Variants in KCNQ1 observed in about 807,000 individuals in gnomAD.
The protein encoded by KCNQ1 is potassium voltage-gated channel subfamily KQT member 1.
In KCNQ1, 49 loss-of-function variants were observed where a neutral mutation model predicts 72.4. That is an observed-to-expected ratio of 0.68 (90% CI 0.54 to 0.86). KCNQ1 has a LOEUF of 0.86. KCNQ1 is among the 40% of genes least tolerant of loss of function. KCNQ1 has a pLI of 0.00. For synonymous variants in KCNQ1, 450 were observed against 412.6 expected (o/e 1.09, Z -1.10); for missense variants, 790 against 945.1 (o/e 0.84, Z 2.15).
Position 2,734,834 on chromosome 11 carries a change from A to T in KCNQ1, c.1515-34010A>T, listed in dbSNP as rs564858395. On this transcript the variant is annotated intron_variant, in intron 11 of 15. Coordinates refer to ENST00000155840, the MANE Select transcript of KCNQ1 (RefSeq NM_000218.3). The surrounding 1 kb of genome is among the most constrained non-coding windows in gnomAD (Gnocchi z 7.0). ...GCCTCAGTTTCCCCCACTGTGAAAT[A>T]GGGATGACCTCCTGTGCTGGGGCCT... is the stretch of plus-strand genomic sequence containing the variant. 6.6e-5 allele frequency among the ~76,000 whole-genome samples: 10 copies of T among 151,958 alleles called. No homozygotes were observed. The highest frequency in any genetic ancestry group is 2.4e-4 in the African/African-American group (10 of 41,462).
rs1403929202 is a variant in KCNQ1, at chr11:2,676,494, T to C, written c.1514+14413T>C. The C allele has an allele frequency of 1.8e-5, 7 of 398,686 alleles. No individual in the cohort carries two copies. Among genetic ancestry groups the C allele is most frequent in the Non-Finnish European group, 3.1e-5 (7 of 226,092 alleles). The allele number at this position is 398,686 out of a possible 1,614,324, so 24.7% of individuals were successfully genotyped here. On this transcript the variant is annotated intron_variant, in intron 11 of 15. Coordinates refer to ENST00000155840, the MANE Select transcript of KCNQ1 (RefSeq NM_000218.3). This position sits in a 1 kb window ranked among gnomAD's most constrained non-coding sequence, Gnocchi z 4.2. ...TGTAGTCTTTCTGGCATCAGTTCCA[T>C]TTCTGGTGAACACTTGGACTTGGCA...
intron 11 of KCNQ1, among the ~76,000 whole-genome samples, chr11:2,706,037 A>G (rs1850906535): frequency 6.6e-6 from 1 of 152,166 alleles, no homozygotes; most frequent in African/African-American, 2.4e-5. Flanking sequence ...TGTAATTTGG[A>G]GGAAAAAGAC....
chr11:2,776,198 C>A, intron 13 of KCNQ1, 144 bp downstream of exon 13: 6 of 721,554 alleles, frequency 8.3e-6, no homozygotes, highest in South Asian at 5.3e-5. Context: ...TCACCACCCC[C>A]AGCCCTGCAG....
Position 2,547,434 on chromosome 11 carries a change from AT to A in KCNQ1, c.477+19420del. On this transcript the variant is annotated intron_variant, in intron 2 of 15. Coordinates refer to ENST00000155840, the MANE Select transcript of KCNQ1 (RefSeq NM_000218.3). The surrounding 1 kb of genome is among the most constrained non-coding windows in gnomAD (Gnocchi z 4.2). ...TTATTAGTAGAGACGGCGTTTCACCATTTTGGCCAGGCTGGTCTTGAACTCC... is the reference window on the plus strand; with the variant it reads ...TTATTAGTAGAGACGGCGTTTCACCATTTGGCCAGGCTGGTCTTGAACTCC... Among the ~76,000 whole-genome samples the A allele has an allele frequency of 6.6e-6, 1 of 151,906 alleles. No individual in the cohort carries two copies. Among genetic ancestry groups the A allele is most frequent in the African/African-American group, 2.4e-5 (1 of 41,312 alleles).
intron 1 of KCNQ1, among the ~76,000 whole-genome samples, chr11:2,487,251 G>A (rs113123027): frequency 3.1e-4 from 47 of 152,302 alleles, no homozygotes; most frequent in African/African-American, 1.0e-3. Context: ...TTTTGCCTGT[G>A]TCACACTGTC....
intron 15 of KCNQ1, among the ~76,000 whole-genome samples, chr11:2,812,701 C>T (rs544303708): frequency 5.9e-5 from 9 of 152,334 alleles, no homozygotes; most frequent in Admixed American, 4.6e-4. Context: ...CATGGCCTCC[C>T]TCTTCCCTAG....
chr11:2,627,686 GTGTC>G lies in KCNQ1; in HGVS notation c.1394-34271_1394-34268del. On this transcript the variant is annotated intron_variant, in intron 10 of 15. Transcript: ENST00000155840. This position sits in a 1 kb window ranked among gnomAD's most constrained non-coding sequence, Gnocchi z 4.9. ...TGTGTGTGTATATATGTGTGTGTGT[GTGTC>G]TGTATGTATATGTATGTGATGTGTT... is the stretch of plus-strand genomic sequence containing the variant. 1 of 398,478 alleles carries G rather than the reference GTGTC, an allele frequency of 2.5e-6. No individual in the cohort carries two copies. The highest frequency in any genetic ancestry group is 4.4e-6 in the Non-Finnish European group (1 of 226,034). The allele number at this position is 398,478 out of a possible 1,614,324, so 24.7% of individuals were successfully genotyped here.
chr11:2,770,574 A>G (rs1010146429), intron 12 of KCNQ1, among the ~76,000 whole-genome samples: 1 of 152,198 alleles, frequency 6.6e-6, no homozygotes, highest in Non-Finnish European at 1.5e-5. Flanking sequence ...GCATCCCCCC[A>G]GGGAAGGGGG....
rs1849281648 is a variant in KCNQ1, at chr11:2,627,562, T to G, written c.1394-34399T>G. 1 of 398,482 alleles carries G rather than the reference T, an allele frequency of 2.5e-6. No homozygotes were observed. Among genetic ancestry groups the G allele is most frequent in the African/African-American group, 2.1e-5 (1 of 48,622 alleles). 24.7% of individuals were successfully genotyped at this position (398,482 alleles called of 1,614,324 possible). On this transcript the variant is annotated intron_variant, in intron 10 of 15. Transcript: ENST00000155840. The surrounding 1 kb of genome is among the most constrained non-coding windows in gnomAD (Gnocchi z 4.9). Reference sequence around the variant, plus strand: ...TGGGATAGTGCAGTATTTGTCTTTCTGTGTCTGGCTATTTCACTTAGCATA... The same window carrying G: ...TGGGATAGTGCAGTATTTGTCTTTCGGTGTCTGGCTATTTCACTTAGCATA...
At chr11:2,520,732 G>C (rs2898873) in intron 1 of KCNQ1, among the ~76,000 whole-genome samples, 88,240 of 152,028 alleles carry the variant, frequency 0.58, 26,051 homozygotes, top group Non-Finnish European at 0.63. Flanking sequence ...CCTCTCCAGC[G>C]CCCAGTGTTT....
At chr11:2,717,426 A>G (rs563914095) in intron 11 of KCNQ1, among the ~76,000 whole-genome samples, 1 of 152,332 alleles carries the variant, frequency 6.6e-6, no homozygotes, top group South Asian at 2.1e-4. Flanking sequence ...CAGCAAAGCC[A>G]CAGGGAGACT....
At chr11:2,584,975 C>T (rs1019651106) in intron 7 of KCNQ1, among the ~76,000 whole-genome samples, 5 of 152,308 alleles carry the variant, frequency 3.3e-5, no homozygotes, top group East Asian at 1.9e-4. Context: ...TGGGTTAGAG[C>T]GGCTGCAGCC....
intron 10 of KCNQ1, chr11:2,656,207 C>G (rs1372208808): frequency 2.5e-6 from 1 of 398,334 alleles, no homozygotes; most frequent in Non-Finnish European, 4.4e-6. Flanking sequence ...AAAATTGAAT[C>G]CTGGATGAAG....
Position 2,828,618 on chromosome 11 carries a change from A to T in KCNQ1, c.1795-19149A>T, listed in dbSNP as rs1847885808. Among the ~76,000 whole-genome samples the T allele has an allele frequency of 6.6e-6, 1 of 152,174 alleles. No individual in the cohort carries two copies. The highest frequency in any genetic ancestry group is 1.5e-5 in the Non-Finnish European group (1 of 68,028). On this transcript the variant is annotated intron_variant, in intron 15 of 15. Transcript: ENST00000155840. This position sits in a 1 kb window ranked among gnomAD's most constrained non-coding sequence, Gnocchi z 5.3. ...CAGCCCATGAAGCCAGATGCTACTG[A>T]TTCTCAAGCTCAGCTAGAGACAGGT...
At chr11:2,631,194 A>G (rs951430988) in intron 10 of KCNQ1, 1 of 398,376 alleles carries the variant, frequency 2.5e-6, no homozygotes, top group Middle Eastern at 6.3e-4. Context: ...TTACCTCTCT[A>G]CTTTCCTTCT....
Position 2,848,808 on chromosome 11 carries a change from C to A in KCNQ1, c.*805C>A. The A allele has an allele frequency of 2.2e-6, 1 of 454,166 alleles. No individual in the cohort carries two copies. The highest frequency in any genetic ancestry group is 6.9e-4 in the Middle Eastern group (1 of 1,446). 28.1% of individuals were successfully genotyped at this position (454,166 alleles called of 1,614,324 possible). Reference sequence around the variant, plus strand: ...CACACAGAAGGGGACTGCCACCTCCCCTTGCCAGCTGCTGAGCCGCAGAGA... The same window carrying A: ...CACACAGAAGGGGACTGCCACCTCCACTTGCCAGCTGCTGAGCCGCAGAGA... On this transcript the variant is annotated 3_prime_UTR_variant, in exon 16 of 16. Transcript: ENST00000155840.
At chr11:2,834,191 TGGCTGGGGCTGG>T (rs891149389) in intron 15 of KCNQ1, among the ~76,000 whole-genome samples, 5 of 152,060 alleles carry the variant, frequency 3.3e-5, no homozygotes, top group African/African-American at 9.7e-5. Context: ...GCACATGGCA[TGGCTGGGGCTGG>T]GGCTGGGTTG....
rs570877240 is a variant in KCNQ1 at position 2,624,220 on chromosome 11, T to C, written c.1393+35366T>C. On this transcript the variant is annotated intron_variant, in intron 10 of 15. Coordinates refer to ENST00000155840, the MANE Select transcript of KCNQ1 (RefSeq NM_000218.3). The surrounding 1 kb of genome is among the most constrained non-coding windows in gnomAD (Gnocchi z 4.9). ...TTAGTTGCCATCTGTATATCTTCAT[T>C]GGTGAGATGTCTGTTAAGGTCTTCA... The C allele has an allele frequency of 8.5e-5, 34 of 398,630 alleles. No individual in the cohort carries two copies. Among genetic ancestry groups the C allele is most frequent in the African/African-American group, 6.8e-4 (33 of 48,756 alleles). The allele number at this position is 398,630 out of a possible 1,614,324, so 24.7% of individuals were successfully genotyped here. A position where few individuals can be genotyped will look rare whatever the true frequency, so the allele number is the denominator to read the frequency against.
chr11:2,588,640 G>A lies in KCNQ1; in HGVS notation c.1252-73G>A, dbSNP rs1373719063. ...GGCTGGGCTCGGGGCGGCTGCACAG[G>A]CACTCTGGGGCCGGCGTAGGGCCTG... On this transcript the variant is annotated intron_variant, in intron 9 of 15. Coordinates refer to ENST00000155840, the MANE Select transcript of KCNQ1 (RefSeq NM_000218.3). This position sits in a 1 kb window ranked among gnomAD's most constrained non-coding sequence, Gnocchi z 5.6. 1.3e-6 allele frequency: 2 copies of A among 1,591,788 alleles called. No individual in the cohort carries two copies. The highest frequency in any genetic ancestry group is 4.4e-4 in the Middle Eastern group (2 of 4,592).
Sources: gnomAD v4.1 joint callset for allele counts (sites outside exome capture counted in the v4.1 genomes callset) on GRCh38, gnomAD v4.1.1 for gene constraint, Gnocchi (gnomAD v3.1) non-coding constraint, MANE v1.5 for transcripts, NCBI Gene and HGNC (gene_info 2026-07-23, HGNC 2026-07-21) for gene names.